Variants in CPT2 observed in about 807,000 individuals in gnomAD.
CPT2 encodes the protein carnitine O-palmitoyltransferase 2, mitochondrial.
In CPT2, 37 loss-of-function variants were observed where a neutral mutation model predicts 48.6. The observed-to-expected ratio is 0.76, with a 90% confidence interval of 0.59 to 1.00. The LOEUF is 1.00. Ranked by LOEUF, CPT2 falls within the 50% of genes least tolerant of loss-of-function variation. The pLI, the probability that CPT2 is intolerant of heterozygous loss-of-function variation, is 0.00. For missense variants in CPT2, 772 were observed against 825.6 expected (o/e 0.94, Z 0.80); for synonymous variants, 319 against 326.9 (o/e 0.98, Z 0.26).
chr1:53,197,226 G>A, intron 1 of CPT2, 131 bp downstream of exon 1: 3 of 1,125,312 alleles, frequency 2.7e-6, no homozygotes, highest in East Asian at 2.6e-5. Flanking sequence ...GGCTGCCACA[G>A]CCCCTAATCT....
At chr1:53,200,308 T>TA (rs1382905032) in intron 1 of CPT2, 8 of 183,296 alleles carry the variant, frequency 4.4e-5, no homozygotes, top group Non-Finnish European at 9.2e-5. Context: ...GAAGAAAATT[T>TA]AAAAAATAGA....
chr1:53,204,171 GC>G (rs1645371682), intron 3 of CPT2: 1 of 151,814 alleles, frequency 6.6e-6, no homozygotes, highest in African/African-American at 2.4e-5. Flanking sequence ...TATTTCTTTG[GC>G]TTTCTTCCTC....
chr1:53,197,117 C>T (rs1468122338), intron 1 of CPT2, 22 bp downstream of exon 1: 4 of 1,536,264 alleles, frequency 2.6e-6, no homozygotes, highest in African/African-American at 2.7e-5. Context: ...CTCCGGGTCC[C>T]CGCCGCCCGC....
chr1:53,200,876 C>T, intron 2 of CPT2, 77 bp downstream of exon 2: 2 of 1,147,018 alleles, frequency 1.7e-6, no homozygotes, highest in South Asian at 2.5e-5. Context: ...GACCAAGCTT[C>T]AGGGAATGTC....
chr1:53,211,290 A>G lies in CPT2; in HGVS notation c.1616A>G (p.His539Arg). Residue 539 changes from histidine to arginine, a missense_variant, in exon 4 of 5, where the codon CAT becomes CGT. Coordinates refer to ENST00000371486, the MANE Select transcript of CPT2 (RefSeq NM_000098.3). The part of the protein sequence containing the change: ...QQMMVECSKY[H>R]GQLTKEAAMG... ...ATGATGGTTGAGTGCTCCAAGTACC[A>G]TGGCCAGCTGACCAAAGAAGCAGCA... The G allele has an allele frequency of 6.2e-7, 1 of 1,609,806 alleles. No individual in the cohort carries two copies. The highest frequency in any genetic ancestry group is 8.5e-7 in the Non-Finnish European group (1 of 1,178,038).
At position 53,210,401 on chromosome 1, in the gene CPT2, C is replaced by G; in HGVS notation, c.727C>G (p.Leu243Val). ...CTTCACTGATGACAAGGCCAGACAC[C>G]TCCTGGTCCTAAGGAAAGGAAATTT... Reference protein sequence around the residue: ...ELFTDDKARHLLVLRKGNFYI... With the variant: ...ELFTDDKARHVLVLRKGNFYI... The change falls in exon 4 of 5, where the codon CTC (leucine) becomes GTC (valine). Residue 243 changes from leucine to valine, a missense_variant. By Grantham distance (32) the Leu-to-Val change is conservative. Coordinates refer to ENST00000371486, the MANE Select transcript of CPT2 (RefSeq NM_000098.3). The G allele has an allele frequency of 6.2e-7, 1 of 1,614,176 alleles. No individual in the cohort carries two copies. Among genetic ancestry groups the G allele is most frequent in the Non-Finnish European group, 8.5e-7 (1 of 1,180,034 alleles).
At position 53,210,500 on chromosome 1, in the gene CPT2, A is replaced by G; in HGVS notation, c.826A>G (p.Ile276Val). The G allele has an allele frequency of 1.2e-6, 2 of 1,614,098 alleles. No individual in the cohort carries two copies. The highest frequency in any genetic ancestry group is 1.7e-6 in the Non-Finnish European group (2 of 1,180,032). ...GGAAATCCAGGCACATCTGAAGTACATTCTCTCAGACAGCAGCCCCGCCCC... is the reference window on the plus strand; with the variant it reads ...GGAAATCCAGGCACATCTGAAGTACGTTCTCTCAGACAGCAGCCCCGCCCC... Reference protein sequence around the residue: ...PSEIQAHLKYILSDSSPAPEF... With the variant: ...PSEIQAHLKYVLSDSSPAPEF... Residue 276 changes from isoleucine (I) to valine (V), a missense_variant, in exon 4 of 5, where the codon ATT becomes GTT. Physicochemically the swap from Ile to Val is conservative, Grantham distance 29. Transcript: ENST00000371486.
intron 4 of CPT2, among the ~76,000 whole-genome samples, chr1:53,212,149 C>G (rs545395453): frequency 1.3e-5 from 2 of 151,068 alleles, no homozygotes; most frequent in African/African-American, 4.9e-5. Flanking sequence ...ACTGCAACCT[C>G]TGCCTCCTGG....
At chr1:53,203,070 A>T (rs1572381164) in intron 3 of CPT2, 1 of 152,664 alleles carries the variant, frequency 6.6e-6, no homozygotes, top group Non-Finnish European at 1.5e-5. Context: ...AGACAGTTCT[A>T]TAAGGCTTGT....
At position 53,196,848 on chromosome 1, in the gene CPT2, C is replaced by T. The variant is rs1177319100; in HGVS notation, c.-96C>T. 7.6e-6 allele frequency: 11 copies of T among 1,438,632 alleles called. No individual in the cohort carries two copies. The South Asian group carries it at 1.1e-4, about 15-fold the overall frequency. 89.1% of individuals were successfully genotyped at this position (1,438,632 alleles called of 1,614,324 possible). On this transcript the variant is annotated 5_prime_UTR_variant, in exon 1 of 5. It adds an upstream start codon to the 5' untranslated region. Coordinates refer to ENST00000371486, the MANE Select transcript of CPT2 (RefSeq NM_000098.3). Reference sequence around the variant, plus strand: ...CGGAGAAGTGCCTCAGGAGTCCTGACGCAGTGTCTTGGGCGCTAACGGCGG... The same window carrying T: ...CGGAGAAGTGCCTCAGGAGTCCTGATGCAGTGTCTTGGGCGCTAACGGCGG...
intron 3 of CPT2, 40 bp downstream of exon 3, chr1:53,202,469 C>G: frequency 6.7e-7 from 1 of 1,492,740 alleles, no homozygotes; most frequent in Non-Finnish European, 9.3e-7. Context: ...CTCCCAGAGC[C>G]CTCCATAATG....
At chr1:53,212,059 A>C (rs113045229) in intron 4 of CPT2, among the ~76,000 whole-genome samples, 7,377 of 118,172 alleles carry the variant, frequency 0.062, 504 homozygotes, top group East Asian at 0.27. Flanking sequence ...TGCCCAGCTG[A>C]TATTTTAATT....
intron 4 of CPT2, among the ~76,000 whole-genome samples, chr1:53,212,578 C>T (rs777902715): frequency 2.6e-5 from 4 of 152,200 alleles, no homozygotes; most frequent in Non-Finnish European, 5.9e-5. Context: ...CTAGCTTCAC[C>T]TCAGTTGTAA....
rs565982553 is a variant in CPT2 at position 53,213,884 on chromosome 1, C to G, written c.*289C>G. ...GAGGTTGCAGTGAGCTGAGATCACA[C>G]CACTGCACTCCGGCCTGGGCGACAG... is the stretch of plus-strand genomic sequence containing the variant. On this transcript the variant is annotated 3_prime_UTR_variant, in exon 5 of 5. Transcript: ENST00000371486. 2.5e-6 allele frequency: 1 copy of G among 403,876 alleles called. No individual in the cohort carries two copies. The highest frequency in any genetic ancestry group is 2.0e-5 in the African/African-American group (1 of 48,852). 25.0% of individuals were successfully genotyped at this position (403,876 alleles called of 1,614,324 possible).
chr1:53,198,553 G>A (rs762501761), intron 1 of CPT2, among the ~76,000 whole-genome samples: 1 of 152,250 alleles, frequency 6.6e-6, no homozygotes. Context: ...AGCTGAGCCA[G>A]TATATGGGTG....
At chr1:53,209,562 G>A (rs1222339791) in intron 3 of CPT2, 1 of 209,070 alleles carries the variant, frequency 4.8e-6, no homozygotes, top group African/African-American at 2.4e-5. Flanking sequence ...GATCACCTGA[G>A]GTCAGGAGTT....
intron 3 of CPT2, chr1:53,203,552 T>C (rs1645367181): frequency 6.6e-6 from 1 of 152,214 alleles, no homozygotes; most frequent in African/African-American, 2.4e-5. Context: ...GAATCTCCTC[T>C]CAATACATGA....
At chr1:53,201,058 T>G in intron 2 of CPT2, 1 of 508,794 alleles carries the variant, frequency 2.0e-6, no homozygotes, top group Non-Finnish European at 3.6e-6. Flanking sequence ...CCTTAGCAGG[T>G]GTACCTGGGA....
intron 3 of CPT2, chr1:53,203,693 T>G (rs1645367870): frequency 6.6e-6 from 1 of 152,196 alleles, no homozygotes; most frequent in African/African-American, 2.4e-5. Flanking sequence ...TCTTTCACCA[T>G]CAGCTGGGGC....
Sources: gnomAD v4.1 joint callset for allele counts (sites outside exome capture counted in the v4.1 genomes callset) on GRCh38, gnomAD v4.1.1 for gene constraint, MANE v1.5 for transcripts, NCBI Gene and HGNC (gene_info 2026-07-23, HGNC 2026-07-21) for gene names.